The following SEC63 variants were observed in gnomAD, a reference collection of about 807,000 sequenced individuals.
SEC63 encodes SEC63 protein translocation regulator.
In SEC63, 56 loss-of-function variants were observed where a neutral mutation model predicts 116.2. That is an observed-to-expected ratio of 0.48 (90% CI 0.39 to 0.60). The LOEUF (loss-of-function observed/expected upper bound fraction) is 0.60. Among genes scored for constraint, SEC63 ranks in the 20% least tolerant of loss-of-function variants. SEC63 has a pLI of 0.00. For synonymous variants in SEC63, 273 were observed against 294.6 expected (o/e 0.93, Z 0.75); for missense variants, 668 against 900.0 (o/e 0.74, Z 3.30).
At chr6:107,952,215 C>T (rs761830113) in intron 1 of SEC63, among the ~76,000 whole-genome samples, 6 of 152,108 alleles carry the variant, frequency 3.9e-5, no homozygotes, top group Admixed American at 1.3e-4. Flanking sequence ...GAAATCAAGG[C>T]AAAAGTATTC....
chr6:107,916,220 G>A (rs1787396669), intron 4 of SEC63, among the ~76,000 whole-genome samples: 1 of 152,188 alleles, frequency 6.6e-6, no homozygotes, highest in East Asian at 1.9e-4. Context: ...ATTACCTGAA[G>A]ACAGCAATCA....
chr6:107,912,955 A>G (rs961805201), intron 5 of SEC63, among the ~76,000 whole-genome samples, 181 bp from the exon 6 acceptor site: 1 of 152,226 alleles, frequency 6.6e-6, no homozygotes, highest in African/African-American at 2.4e-5. Flanking sequence ...GATATAGTTT[A>G]TATCTGAAAC....
chr6:107,939,657 C>G (rs975691878), intron 1 of SEC63, among the ~76,000 whole-genome samples: 3 of 151,972 alleles, frequency 2.0e-5, no homozygotes, highest in African/African-American at 7.3e-5. Context: ...AGCAGGAGAA[C>G]CCTAGGAGGC....
chr6:107,921,869 A>T lies in SEC63; in HGVS notation c.380T>A (p.Leu127Gln), dbSNP rs1787562869. Residue 127 changes from leucine to glutamine, a missense_variant, in exon 4 of 21, where the codon CTG becomes CAG. Around this residue, in one of 5 missense-constraint regions of SEC63, gnomAD observed 142 missense variants for 169.5 expected, o/e 0.84. Transcript: ENST00000369002. ...VAEIKKQYRLLSLKYHPDKGG... is the reference protein window; with the variant it reads ...VAEIKKQYRLQSLKYHPDKGG... ...TTTATCTGGATGATATTTAAGTGAC[A>T]GCAAACGATATTGTTTTTTAATTTC... The T allele has an allele frequency of 6.2e-7, 1 of 1,612,318 alleles. No individual in the cohort carries two copies. Among genetic ancestry groups the T allele is most frequent in the Non-Finnish European group, 8.5e-7 (1 of 1,178,712 alleles).
chr6:107,893,308 G>C (rs1442001882), intron 16 of SEC63, among the ~76,000 whole-genome samples, 174 bp downstream of exon 16: 1 of 152,158 alleles, frequency 6.6e-6, no homozygotes, highest in Non-Finnish European at 1.5e-5. Flanking sequence ...GGGAGGTAGA[G>C]GGATGGGGAG....
chr6:107,958,080 C>A lies in SEC63; in HGVS notation c.-71G>T. ...CCACGCTCTGCACTCCCGCTCCCAA[C>A]GCCCCGGCCCGAGTGGCGTAGCTTG... is the stretch of plus-strand genomic sequence containing the variant. On this transcript the variant is annotated 5_prime_UTR_variant, in exon 1 of 21. Coordinates refer to ENST00000369002, the MANE Select transcript of SEC63 (RefSeq NM_007214.5). The A allele has an allele frequency of 1.3e-6, 2 of 1,596,682 alleles. No individual in the cohort carries two copies. Among genetic ancestry groups the A allele is most frequent in the Non-Finnish European group, 1.7e-6 (2 of 1,169,546 alleles).
chr6:107,945,257 C>T lies in SEC63; in HGVS notation c.124+12629G>A, dbSNP rs573928898. Among the ~76,000 whole-genome samples the T allele has an allele frequency of 7.2e-5, 11 of 151,962 alleles. No homozygotes were observed. The South Asian group carries it at 1.2e-3, about 17-fold the overall frequency. ...GAGTTGGAATCTACACGAGAAAACT[C>T]CTACTGACATAAACAGAATTCCAAA... On this transcript the variant is annotated intron_variant, in intron 1 of 20. Transcript: ENST00000369002.
chr6:107,905,054 A>G (rs975828759), intron 10 of SEC63, among the ~76,000 whole-genome samples: 4 of 152,236 alleles, frequency 2.6e-5, no homozygotes, highest in Non-Finnish European at 4.4e-5. Flanking sequence ...ATATGTCAAA[A>G]TAAATATGTC....
At chr6:107,955,453 T>C (rs1198264614) in intron 1 of SEC63, among the ~76,000 whole-genome samples, 1 of 151,878 alleles carries the variant, frequency 6.6e-6, no homozygotes, top group Admixed American at 6.6e-5. Context: ...TGAGCCACCA[T>C]GCCCGGCCAA....
At chr6:107,952,973 C>T (rs1435785046) in intron 1 of SEC63, among the ~76,000 whole-genome samples, 1 of 152,172 alleles carries the variant, frequency 6.6e-6, no homozygotes, top group East Asian at 1.9e-4. Flanking sequence ...AAATATGCTG[C>T]TGTGGCCAGG....
chr6:107,886,817 C>T (rs1241497039), intron 16 of SEC63, among the ~76,000 whole-genome samples: 1 of 148,524 alleles, frequency 6.7e-6, no homozygotes, highest in Non-Finnish European at 1.5e-5. Context: ...TGCCTGTTCA[C>T]TCTGATGATA....
intron 1 of SEC63, among the ~76,000 whole-genome samples, chr6:107,946,805 A>G (rs1251450178): frequency 1.3e-5 from 2 of 151,852 alleles, no homozygotes; most frequent in African/African-American, 4.8e-5. Flanking sequence ...GGAGTTCAAG[A>G]CCAGCCTGGC....
chr6:107,901,328 T>C (rs773493464), intron 13 of SEC63, 42 bp downstream of exon 13: 1 of 1,587,730 alleles, frequency 6.3e-7, no homozygotes, highest in Non-Finnish European at 8.6e-7. Context: ...AACCAATCTA[T>C]CAAAAGGGAA....
intron 4 of SEC63, among the ~76,000 whole-genome samples, chr6:107,917,756 G>A (rs559281409): frequency 6.6e-6 from 1 of 152,296 alleles, no homozygotes; most frequent in South Asian, 2.1e-4. Flanking sequence ...AGGCCCTAAC[G>A]AAGGCTGAGA....
chr6:107,927,318 G>T (rs1011979870), intron 2 of SEC63, among the ~76,000 whole-genome samples: 1 of 151,926 alleles, frequency 6.6e-6, no homozygotes, highest in Non-Finnish European at 1.5e-5. Flanking sequence ...CGCCCACCTC[G>T]GCCTCCCAAA....
At chr6:107,906,659 G>T in intron 9 of SEC63, 24 bp downstream of exon 9, 4 of 1,608,132 alleles carry the variant, frequency 2.5e-6, no homozygotes, top group African/African-American at 1.3e-5. Flanking sequence ...CTGCTCATCG[G>T]GGGATTTGGG....
At chr6:107,949,714 C>T (rs904879606) in intron 1 of SEC63, among the ~76,000 whole-genome samples, 2 of 152,154 alleles carry the variant, frequency 1.3e-5, no homozygotes, top group African/African-American at 4.8e-5. Flanking sequence ...ACTGCAGCCT[C>T]GATCTCCTGG....
rs545540813 is a variant in SEC63 at position 107,893,324 on chromosome 6, T to C, written c.1674+158A>G. Among the ~76,000 whole-genome samples, 87 of 152,276 alleles carry C rather than the reference T, an allele frequency of 5.7e-4. 2 individuals carry two copies. The highest frequency in any genetic ancestry group is 2.1e-3 in the African/African-American group (86 of 41,562). On this transcript the variant is annotated intron_variant, in intron 16 of 20. Coordinates refer to ENST00000369002, the MANE Select transcript of SEC63 (RefSeq NM_007214.5). ...GGAGGTAGAGGGATGGGGAGATGGATGAAGGGCTCACTGACTGAGAAGAGC... is the reference window on the plus strand; with the variant it reads ...GGAGGTAGAGGGATGGGGAGATGGACGAAGGGCTCACTGACTGAGAAGAGC...
At chr6:107,920,710 T>C (rs745439449) in intron 4 of SEC63, among the ~76,000 whole-genome samples, 2 of 152,168 alleles carry the variant, frequency 1.3e-5, no homozygotes, top group African/African-American at 2.4e-5. Context: ...GTAAGAGCTA[T>C]GTGGGGATGT....
Sources: gnomAD v4.1 joint callset for allele counts (sites outside exome capture counted in the v4.1 genomes callset) on GRCh38, gnomAD v4.1.1 for gene constraint, gnomAD v4.1.1 regional missense constraint, MANE v1.5 for transcripts, NCBI Gene and HGNC (gene_info 2026-07-23, HGNC 2026-07-21) for gene names.